PIGZ: variants seen among roughly 807,000 people sequenced by gnomAD.
The protein encoded by PIGZ is GPI alpha-1,2-mannosyltransferase 4.
In PIGZ, 16 loss-of-function variants were observed where a neutral mutation model predicts 16.4. The observed-to-expected ratio is 0.97, with a 90% confidence interval of 0.66 to 1.48. PIGZ has a LOEUF of 1.48. Ranked by LOEUF, PIGZ falls within the 40% of genes most tolerant of loss-of-function variation. PIGZ has a pLI of 0.00. For synonymous variants in PIGZ, 409 were observed against 338.4 expected, an observed-to-expected ratio of 1.21 and a Z score of -2.29; for missense variants, 770 against 739.2, an observed-to-expected ratio of 1.04 and a Z score of -0.48.
chr3:196,947,831 C>T lies in PIGZ; in HGVS notation c.1066G>A (p.Ala356Thr), dbSNP rs753862104. Residue 356 changes from alanine (A) to threonine (T), a missense_variant, in exon 3 of 3, where the codon GCA (alanine) becomes ACA (threonine). Coordinates refer to ENST00000412723, the MANE Select transcript of PIGZ (RefSeq NM_025163.4). Reference protein sequence around the residue: ...QASAQMGLLRALGARSLLSSP... With the variant: ...QASAQMGLLRTLGARSLLSSP... ...GACAGCAGGCTCCGGGCACCCAGTG[C>T]CCTCAGGAGGCCCATTTGTGCAGAG... is the stretch of plus-strand genomic sequence containing the variant. 11 of 1,611,400 alleles carry T rather than the reference C, an allele frequency of 6.8e-6. No homozygotes were observed. Among genetic ancestry groups the T allele is most frequent in the South Asian group, 2.2e-5 (2 of 90,918 alleles).
rs761207773 is a variant in PIGZ, at chr3:196,948,622, G to C, written c.275C>G (p.Ser92Trp). Residue 92 changes from serine to tryptophan, a missense_variant, in exon 3 of 3, where the codon TCG becomes TGG. By Grantham distance (177) the Ser-to-Trp change is radical. Coordinates refer to ENST00000412723, the MANE Select transcript of PIGZ (RefSeq NM_025163.4). Reference sequence around the variant, plus strand: ...AGAGATCAGCAGGGGGAAGAGCACCGAGCGGCAGGAGCTGCTGGGGTAAAA... The same window carrying C: ...AGAGATCAGCAGGGGGAAGAGCACCCAGCGGCAGGAGCTGCTGGGGTAAAA... ...WEFYPSSSCRSVLFPLLISGS... is the reference protein window; with the variant it reads ...WEFYPSSSCRWVLFPLLISGS... 1.6e-5 allele frequency: 24 copies of C among 1,509,784 alleles called. No individual in the cohort carries two copies. Among genetic ancestry groups the C allele is most frequent in the East Asian group, 4.8e-5 (2 of 41,264 alleles). 93.5% of individuals were successfully genotyped at this position (1,509,784 alleles called of 1,614,324 possible). A position where few individuals can be genotyped will look rare whatever the true frequency, so the allele number is the denominator to read the frequency against.
At chr3:196,950,880 G>C (rs1224200389) in intron 2 of PIGZ, among the ~76,000 whole-genome samples, 2 of 152,092 alleles carry the variant, frequency 1.3e-5, no homozygotes, top group African/African-American at 4.8e-5. Flanking sequence ...AAGTAGCTGG[G>C]ATTACAGGCG....
At chr3:196,956,380 A>ACGAATGAGAAGCAAG (rs1184669654) in intron 1 of PIGZ, among the ~76,000 whole-genome samples, 4 of 152,204 alleles carry the variant, frequency 2.6e-5, no homozygotes, top group African/African-American at 9.7e-5. Context: ...TGAGAAGCAA[A>ACGAATGAGAAGCAAG]CGAATGAGAA....
At chr3:196,950,914 T>C (rs1240106618) in intron 2 of PIGZ, among the ~76,000 whole-genome samples, 3 of 151,994 alleles carry the variant, frequency 2.0e-5, no homozygotes, top group African/African-American at 7.3e-5. Flanking sequence ...CAGGCTAATG[T>C]TTTGTATTTT....
rs1415538735 is a variant in PIGZ at position 196,949,019 on chromosome 3, CCCTTCCCTT to C, written c.212-343_212-335del. 7.8e-3 allele frequency among the ~76,000 whole-genome samples: 489 copies of C among 62,404 alleles called. 119 individuals are homozygous for C. The highest frequency in any genetic ancestry group is 0.068 in the African/African-American group (464 of 6,824). The allele number at this position is 62,404 out of a possible 152,430, so 40.9% of individuals were successfully genotyped here. A position where few individuals can be genotyped will look rare whatever the true frequency, so the allele number is the denominator to read the frequency against. ...CCCTTTACTTCTCTTTCCCTCCCCT[CCCTTCCCTT>C]CCTTCCCTTCCTTCCTTCCCTTCCC... On this transcript the variant is annotated intron_variant, in intron 2 of 2. Coordinates refer to ENST00000412723, the MANE Select transcript of PIGZ (RefSeq NM_025163.4).
chr3:196,968,042 G>A (rs1483567727), intron 1 of PIGZ, among the ~76,000 whole-genome samples: 1 of 152,194 alleles, frequency 6.6e-6, no homozygotes, highest in Admixed American at 6.5e-5. Context: ...GAACTTTCCC[G>A]GCCACACTGT....
Position 196,956,335 on chromosome 3 carries a change from A to AT in PIGZ, c.1-4305_1-4304insA, listed in dbSNP as rs1166171376. On this transcript the variant is annotated intron_variant, in intron 1 of 2. Transcript: ENST00000412723. ...GCCTCACAATCATGGTGGAAGGCAA[A>AT]GGCACGTCTTACATGGCAGCAGGCA... 2.6e-5 allele frequency among the ~76,000 whole-genome samples: 4 copies of AT among 152,356 alleles called. No individual in the cohort carries two copies. The East Asian group carries it at 7.7e-4, about 29-fold the overall frequency.
At position 196,950,856 on chromosome 3, in the gene PIGZ, T is replaced by C. The variant is rs1360680844; in HGVS notation, c.211+965A>G. On this transcript the variant is annotated intron_variant, in intron 2 of 2. Coordinates refer to ENST00000412723, the MANE Select transcript of PIGZ (RefSeq NM_025163.4). The stretch of plus-strand genomic sequence containing the variant: ...ACCTCCTGGGTTCAAGCAATTCTCC[T>C]GCCTCAGCCTCCCAAGTAGCTGGGA... Among the ~76,000 whole-genome samples, 3 of 151,664 alleles carry C rather than the reference T, an allele frequency of 2.0e-5. No homozygotes were observed. The East Asian group carries it at 6.0e-4, about 30-fold the overall frequency.
intron 2 of PIGZ, among the ~76,000 whole-genome samples, chr3:196,951,185 A>G (rs1300368657): frequency 6.6e-6 from 1 of 152,160 alleles, no homozygotes; most frequent in African/African-American, 2.4e-5. Flanking sequence ...TCAAAATATG[A>G]CCTTAAAGAG....
At position 196,968,722 on chromosome 3, in the gene PIGZ, G is replaced by C. The variant is rs570598065; in HGVS notation, c.-36C>G. The C allele has an allele frequency of 9.9e-5, 15 of 152,228 alleles. No homozygotes were observed. In the East Asian group the frequency reaches 2.9e-3, roughly 29 times the overall value. The allele number at this position is 152,228 out of a possible 1,614,324, so 9.4% of individuals were successfully genotyped here. On this transcript the variant is annotated 5_prime_UTR_variant, in exon 1 of 3. Transcript: ENST00000412723. ...TCCGGGCTGCGCCTTCAGCGCTGGC[G>C]GCGTCCTGCCCGGCGAGGGCCAGGG...
chr3:196,953,750 C>T (rs1401765110), intron 1 of PIGZ, among the ~76,000 whole-genome samples: 1 of 152,142 alleles, frequency 6.6e-6, no homozygotes, highest in Non-Finnish European at 1.5e-5. Context: ...CCTATAATCC[C>T]AGAACTTTGG....
In PIGZ at chr3:196,948,657, C is replaced by T. The variant is rs765432707; in HGVS notation, c.240G>A (p.Arg80=). 8.2e-6 allele frequency: 12 copies of T among 1,462,950 alleles called. No homozygotes were observed. The South Asian group carries it at 1.6e-4, about 19-fold the overall frequency. 90.6% of individuals were successfully genotyped at this position (1,462,950 alleles called of 1,614,324 possible). The stretch of plus-strand genomic sequence containing the variant: ...AGCTGCTGGGGTAAAACTCCCAGGG[C>T]CGCGCGGCCTGAACGCCCAGGATGT... The part of the protein sequence containing the change: ...AEDILGVQAA[R]PWEFYPSSSC... Residue 80 remains arginine (R), a synonymous_variant, in exon 3 of 3, where the codon CGG becomes CGA. Coordinates refer to ENST00000412723, the MANE Select transcript of PIGZ (RefSeq NM_025163.4).
chr3:196,953,696 C>A (rs1250376460), intron 1 of PIGZ, among the ~76,000 whole-genome samples: 1 of 152,142 alleles, frequency 6.6e-6, no homozygotes, highest in Non-Finnish European at 1.5e-5. Flanking sequence ...AAATTCTGAC[C>A]TTAAATAGTT....
At chr3:196,956,419 G>T (rs754185194) in intron 1 of PIGZ, among the ~76,000 whole-genome samples, 4 of 152,144 alleles carry the variant, frequency 2.6e-5, no homozygotes, top group Non-Finnish European at 5.9e-5. Flanking sequence ...AGCAAAGGGG[G>T]TTTCCCCTTA....
At position 196,948,507 on chromosome 3, in the gene PIGZ, T is replaced by C. The variant is rs946592613; in HGVS notation, c.390A>G (p.Arg130=). The change falls in exon 3 of 3, where the codon CGA becomes CGG. Residue 130 remains arginine, a synonymous_variant. Coordinates refer to ENST00000412723, the MANE Select transcript of PIGZ (RefSeq NM_025163.4). ...CAAAGGAAAGGGCAGTGAGGAGGAG[T>C]CGAGGCCCCACCAGCAGCGCATAGC... ...VSGYALLVGP[R]LLLTALSFAL... 6.2e-7 allele frequency: 1 copy of C among 1,610,766 alleles called. No homozygotes were observed. The highest frequency in any genetic ancestry group is 8.5e-7 in the Non-Finnish European group (1 of 1,178,806).
chr3:196,957,525 G>GGT lies in PIGZ; in HGVS notation c.1-5495_1-5494insAC. On this transcript the variant is annotated intron_variant, in intron 1 of 2. Coordinates refer to ENST00000412723, the MANE Select transcript of PIGZ (RefSeq NM_025163.4). ...AGCCTCTTGAGTAGCTGGGATTACA[G>GGT]GCGCATGCCACCACACCCAGCTAAT... 2.0e-5 allele frequency among the ~76,000 whole-genome samples: 3 copies of GGT among 152,148 alleles called. No individual in the cohort carries two copies. The South Asian group carries it at 6.2e-4, about 32-fold the overall frequency.
At chr3:196,960,461 C>T (rs1310882719) in intron 1 of PIGZ, among the ~76,000 whole-genome samples, 2 of 151,956 alleles carry the variant, frequency 1.3e-5, no homozygotes, top group African/African-American at 4.8e-5. Flanking sequence ...CACCTGAGGT[C>T]AAGAGTTTGA....
At chr3:196,948,969 TCCCC>T (rs1717122802) in intron 2 of PIGZ, among the ~76,000 whole-genome samples, 2 of 19,948 alleles carry the variant, frequency 1.0e-4, no homozygotes, top group African/African-American at 2.8e-4. Flanking sequence ...TTCCTTCCCT[TCCCC>T]TCCCCTCCCT....
In PIGZ at chr3:196,948,248, C is replaced by CA; in HGVS notation, c.648dup (p.Gly217TrpfsTer169). ...AAGAAGCCAGCAGCCACAATGCCTCCAAGAAGCCAGCTGCGCCACCGTGGA... is the reference window on the plus strand; with the variant it reads ...AAGAAGCCAGCAGCCACAATGCCTCCAAAGAAGCCAGCTGCGCCACCGTGGA... On this transcript the variant is annotated frameshift_variant, in exon 3 of 3. Transcript: ENST00000412723. LOFTEE classifies it low-confidence loss of function (END_TRUNC). The CA allele has an allele frequency of 6.2e-7, 1 of 1,614,128 alleles. No homozygotes were observed. Among genetic ancestry groups the CA allele is most frequent in the Non-Finnish European group, 8.5e-7 (1 of 1,180,008 alleles).
Sources: gnomAD v4.1 joint callset for allele counts (sites outside exome capture counted in the v4.1 genomes callset) on GRCh38, gnomAD v4.1.1 for gene constraint, MANE v1.5 for transcripts, NCBI Gene and HGNC (gene_info 2026-07-23, HGNC 2026-07-21) for gene names.